TMEM242: variants seen among roughly 807,000 people sequenced by gnomAD.
TMEM242 encodes the protein transmembrane protein 242.
In TMEM242, 10 loss-of-function variants were observed where a neutral mutation model predicts 18.2. That is an observed-to-expected ratio of 0.55 (90% CI 0.34 to 0.93). The LOEUF is 0.93. Among genes scored for constraint, TMEM242 ranks in the 40% least tolerant of loss-of-function variants. The probability of loss-of-function intolerance (pLI) is 0.02; values close to 1 mark genes in which losing one functional copy is unlikely to be tolerated. For missense variants in TMEM242, 186 were observed against 175.5 expected (o/e 1.06, Z -0.34); for synonymous variants, 57 against 69.9 (o/e 0.81, Z 0.92).
chr6:157,310,465 TGCCCCAG>T, intron 3 of TMEM242, among the ~76,000 whole-genome samples: 1 of 151,898 alleles, frequency 6.6e-6, no homozygotes, highest in Non-Finnish European at 1.5e-5. Flanking sequence ...CTCATCACAG[TGCCCCAG>T]TGTGTGCTCA....
At chr6:157,319,961 G>A (rs921060808) in intron 2 of TMEM242, among the ~76,000 whole-genome samples, 10 of 152,164 alleles carry the variant, frequency 6.6e-5, no homozygotes, top group East Asian at 1.9e-4. Flanking sequence ...AGTCAAGCCC[G>A]CAGAAGAACA....
chr6:157,299,225 A>T (rs587668906), intron 3 of TMEM242: 15 of 709,836 alleles, frequency 2.1e-5, no homozygotes, highest in South Asian at 5.4e-5. Context: ...GATTCTTCAA[A>T]ATACTTTCTG....
intron 3 of TMEM242, among the ~76,000 whole-genome samples, chr6:157,314,616 C>G (rs1196870253): frequency 4.6e-5 from 7 of 152,198 alleles, no homozygotes; most frequent in Non-Finnish European, 7.3e-5. Flanking sequence ...ATTGTCAATG[C>G]TGGGCAAACT....
intron 3 of TMEM242, chr6:157,299,809 A>G (rs1207323207): frequency 6.2e-7 from 1 of 1,608,436 alleles, no homozygotes. Context: ...AAGGGCTGCC[A>G]TGTTGAAGAT....
intron 3 of TMEM242, among the ~76,000 whole-genome samples, chr6:157,311,995 A>T (rs797038113): frequency 0.11 from 249 of 2,220 alleles, no homozygotes; most frequent in Middle Eastern, 0.25. Context: ...TGCCCCAGTG[A>T]GCACTCACCT....
At chr6:157,294,343 A>ATT (rs1777721913) in intron 3 of TMEM242, among the ~76,000 whole-genome samples, 2 of 132,280 alleles carry the variant, frequency 1.5e-5, no homozygotes, top group African/African-American at 6.0e-5. Flanking sequence ...CATGCAAGTC[A>ATT]TTTCTTTTTT....
intron 3 of TMEM242, among the ~76,000 whole-genome samples, chr6:157,312,362 A>C (rs1554249231): frequency 1.0e-5 from 1 of 96,262 alleles, no homozygotes; most frequent in Non-Finnish European, 2.1e-5. Context: ...ATCATGTCCC[A>C]GTGTGCACTC....
At chr6:157,312,983 C>A (rs74986558) in intron 3 of TMEM242, among the ~76,000 whole-genome samples, 1 of 31,700 alleles carries the variant, frequency 3.2e-5, no homozygotes, top group South Asian at 1.3e-3. Context: ...TGTGCGCTCA[C>A]CTAGCCTCAT....
intron 3 of TMEM242, among the ~76,000 whole-genome samples, chr6:157,304,640 C>T (rs887817030): frequency 6.6e-6 from 1 of 152,118 alleles, no homozygotes; most frequent in Non-Finnish European, 1.5e-5. Context: ...GAGGTCTCTA[C>T]CCTCAGAATC....
intron 3 of TMEM242, among the ~76,000 whole-genome samples, chr6:157,293,656 G>GT (rs112843311): frequency 0.034 from 5,054 of 149,024 alleles, 257 homozygotes; most frequent in African/African-American, 0.11. Flanking sequence ...CAAGACAGTG[G>GT]TTTTTTTTTT....
chr6:157,306,732 G>A (rs781785544), intron 3 of TMEM242, among the ~76,000 whole-genome samples: 13 of 152,084 alleles, frequency 8.5e-5, no homozygotes, highest in Admixed American at 3.3e-4. Flanking sequence ...CAAGTAAGTG[G>A]GACAGTCGGA....
intron 2 of TMEM242, among the ~76,000 whole-genome samples, chr6:157,321,237 T>C (rs1211296811): frequency 1.3e-5 from 2 of 152,132 alleles, no homozygotes; most frequent in Non-Finnish European, 2.9e-5. Context: ...CTCAGTCTCC[T>C]GACCTCATGA....
At chr6:157,312,355 A>AG (rs1202912232) in intron 3 of TMEM242, among the ~76,000 whole-genome samples, 15 of 10,340 alleles carry the variant, frequency 1.5e-3, no homozygotes, top group East Asian at 4.6e-3. Flanking sequence ...TAGCCTCATC[A>AG]TGTCCCAGTG....
intron 3 of TMEM242, chr6:157,300,056 A>T: frequency 1.3e-6 from 1 of 797,206 alleles, no homozygotes; most frequent in Admixed American, 1.9e-5. Flanking sequence ...ACTGGGACAC[A>T]GGGACAGGAA....
intron 3 of TMEM242, among the ~76,000 whole-genome samples, chr6:157,297,559 A>G (rs1355750603): frequency 2.0e-5 from 3 of 152,224 alleles, no homozygotes; most frequent in Admixed American, 2.0e-4. Context: ...AGCCCAGCAC[A>G]TCAGTGAGTC....
chr6:157,295,591 G>C (rs782019704), intron 3 of TMEM242, among the ~76,000 whole-genome samples: 1 of 152,180 alleles, frequency 6.6e-6, no homozygotes, highest in Non-Finnish European at 1.5e-5. Context: ...TGAGGCCAGG[G>C]GAGGAGAGCA....
At chr6:157,299,963 T>C in intron 3 of TMEM242, 1 of 1,556,702 alleles carries the variant, frequency 6.4e-7, no homozygotes, top group East Asian at 2.2e-5. Context: ...ATGAGCGGGC[T>C]CCTCGGAAGT....
chr6:157,316,057 A>C (rs587728304), intron 3 of TMEM242, among the ~76,000 whole-genome samples: 1 of 152,262 alleles, frequency 6.6e-6, no homozygotes, highest in South Asian at 2.1e-4. Context: ...ACTGGGATTG[A>C]CTCTTCTAAG....
rs587715456 is a variant in TMEM242 at position 157,291,063 on chromosome 6, G to C, written c.*1838C>G. 6.6e-6 allele frequency: 1 copy of C among 152,242 alleles called. No homozygotes were observed. Among genetic ancestry groups the C allele is most frequent in the Non-Finnish European group, 1.5e-5 (1 of 68,056 alleles). The allele number at this position is 152,242 out of a possible 1,614,324, so 9.4% of individuals were successfully genotyped here. ...CCTGATGTGCAGCAGCCTCTGCAGC[G>C]GTGCTGACACCAGTTTACAAGGCCC... On this transcript the variant is annotated 3_prime_UTR_variant, in exon 4 of 4. Transcript: ENST00000400788.
Sources: allele counts gnomAD v4.1 joint callset (sites outside exome capture counted in the v4.1 genomes callset), GRCh38; gene constraint gnomAD v4.1.1; transcripts MANE v1.5; gene names NCBI Gene and HGNC (gene_info 2026-07-23, HGNC 2026-07-21).